Variants in CAPS2 observed in about 807,000 individuals in gnomAD.
CAPS2 encodes the protein calcyphosin-2.
CAPS2 carries 98 observed loss-of-function variants against 86.5 expected under a neutral mutation model. The observed-to-expected ratio is 1.13, with a 90% CI of 0.96 to 1.34. The LOEUF is 1.34. Among genes scored for constraint, CAPS2 ranks in the 40% most tolerant of loss-of-function variants. The pLI is 0.00. For missense variants in CAPS2, 729 were observed against 686.8 expected, an observed-to-expected ratio of 1.06 and a Z score of -0.69; for synonymous variants, 210 against 225.1, an observed-to-expected ratio of 0.93 and a Z score of 0.60.
upstream of CAPS2, chr12:75,334,961 G>A: frequency 1.3e-6 from 2 of 1,496,720 alleles, no homozygotes; most frequent in Non-Finnish European, 1.8e-6. Flanking sequence ...GTATCTGGGT[G>A]ATAAATTTCA....
chr12:75,334,433 G>A (rs933769863), upstream of CAPS2: 26 of 1,169,796 alleles, frequency 2.2e-5, no homozygotes, highest in Non-Finnish European at 2.7e-5. Flanking sequence ...ATCCAGACGC[G>A]CTCTGCAGAT....
chr12:75,347,496 T>C lies in CAPS2; in HGVS notation c.-394-24274A>G, dbSNP rs181927291. ...ATAAATATAAACATTAGAAAAAATA[T>C]GTAACTAATAAATATTTATGTACAT... On this transcript the variant is annotated intron_variant, in intron 1 of 5. Transcript: ENST00000551829. 2.8e-4 allele frequency: 123 copies of C among 439,518 alleles called. No homozygotes were observed. The South Asian group carries it at 3.8e-3, about 14-fold the overall frequency. 27.2% of individuals were successfully genotyped at this position (439,518 alleles called of 1,614,324 possible).
At chr12:75,379,698 C>T (rs2044852662) in intron 1 of CAPS2, among the ~76,000 whole-genome samples, 1 of 151,942 alleles carries the variant, frequency 6.6e-6, no homozygotes, top group Admixed American at 6.6e-5. Flanking sequence ...GTGTGTGTTC[C>T]CAGAAATTGC....
At position 75,368,646 on chromosome 12, in the gene CAPS2, T is replaced by C. The variant is rs375601336; in HGVS notation, c.-395+22192A>G. Among the ~76,000 whole-genome samples the C allele has an allele frequency of 1.6e-4, 25 of 152,198 alleles. No homozygotes were observed. The East Asian group carries it at 2.9e-3, about 18-fold the overall frequency. On this transcript the variant is annotated intron_variant, in intron 1 of 5. Transcript: ENST00000551829. ...ATTTTTAGAATTGTGCTTGGCCATA[T>C]AATTTTCCTCCTGCATTTTTCCTTG...
intron 1 of CAPS2, among the ~76,000 whole-genome samples, chr12:75,335,493 CTT>C (rs1166907104): frequency 6.6e-6 from 1 of 152,092 alleles, no homozygotes; most frequent in Non-Finnish European, 1.5e-5. Flanking sequence ...TGCATTGTAA[CTT>C]TTTCTTGTTT....
intron 7 of CAPS2, among the ~76,000 whole-genome samples, chr12:75,306,684 G>A (rs1163699179): frequency 6.6e-6 from 1 of 152,120 alleles, no homozygotes; most frequent in Admixed American, 6.5e-5. Flanking sequence ...TGGGACTGAT[G>A]ATGTGTATTG....
rs1389977427 is a variant in CAPS2, at chr12:75,326,368, A to T, written c.81+50T>A. 1.0e-5 allele frequency: 7 copies of T among 686,576 alleles called. No homozygotes were observed. The East Asian group carries it at 1.9e-4, about 19-fold the overall frequency. 42.5% of individuals were successfully genotyped at this position (686,576 alleles called of 1,614,324 possible). A position where few individuals can be genotyped will look rare whatever the true frequency, so the allele number is the denominator to read the frequency against. On this transcript the variant is annotated intron_variant, in intron 1 of 16. Transcript: ENST00000393284. ...TAAAACATGAAGAAAAGGTAAAAAA[A>T]TTATTTATAAGTCATCCTGAAAGAA...
intron 7 of CAPS2, among the ~76,000 whole-genome samples, chr12:75,311,954 T>G (rs2039275875): frequency 6.6e-6 from 1 of 152,064 alleles, no homozygotes; most frequent in South Asian, 2.1e-4. Context: ...TTTCAAAGAA[T>G]TTACTGAAAA....
intron 1 of CAPS2, chr12:75,369,921 T>C (rs556178571): frequency 1.6e-6 from 2 of 1,242,290 alleles, no homozygotes; most frequent in Admixed American, 2.8e-5. Flanking sequence ...TTTCTTGTTT[T>C]ATAACATTTT....
intron 6 of CAPS2, among the ~76,000 whole-genome samples, chr12:75,314,505 T>C (rs1158198348): frequency 1.3e-5 from 2 of 152,166 alleles, no homozygotes; most frequent in Non-Finnish European, 2.9e-5. Context: ...CTTATGTTAT[T>C]TAATACATCT....
chr12:75,349,833 G>GA (rs921565696), intron 1 of CAPS2, among the ~76,000 whole-genome samples: 10 of 151,916 alleles, frequency 6.6e-5, no homozygotes, highest in Non-Finnish European at 1.0e-4. Context: ...AAAAAGAAAA[G>GA]AAAAAAATTA....
chr12:75,375,931 G>A (rs1213901352), intron 1 of CAPS2, among the ~76,000 whole-genome samples: 3 of 152,160 alleles, frequency 2.0e-5, no homozygotes, highest in Non-Finnish European at 2.9e-5. Context: ...TCTGGCATAC[G>A]GAGAGGAGCA....
intron 1 of CAPS2, among the ~76,000 whole-genome samples, chr12:75,367,457 C>T (rs911655637): frequency 6.6e-6 from 1 of 151,984 alleles, no homozygotes; most frequent in Non-Finnish European, 1.5e-5. Context: ...CGAATACACA[C>T]ATTAGCCTAG....
chr12:75,380,816 C>T (rs2044922237), intron 1 of CAPS2, among the ~76,000 whole-genome samples: 1 of 152,114 alleles, frequency 6.6e-6, no homozygotes, highest in Non-Finnish European at 1.5e-5. Context: ...TTTTCATAAA[C>T]TACATTCAAA....
chr12:75,306,590 G>A (rs950081799), intron 7 of CAPS2, among the ~76,000 whole-genome samples: 1 of 152,156 alleles, frequency 6.6e-6, no homozygotes, highest in Non-Finnish European at 1.5e-5. Context: ...TTTCGCTTTC[G>A]TGCTACCTTT....
chr12:75,326,589 A>G, upstream of CAPS2: 1 of 742,812 alleles, frequency 1.3e-6, no homozygotes, highest in South Asian at 1.7e-5. Context: ...AATAAGTCAT[A>G]CAAATTACCT....
upstream of CAPS2, chr12:75,334,065 G>T (rs1230514154): frequency 6.6e-6 from 1 of 152,182 alleles, no homozygotes; most frequent in Admixed American, 6.5e-5. Flanking sequence ...ATCAAAAAGG[G>T]AAGATTTTGT....
At chr12:75,331,735 T>C (rs1012327809), upstream of CAPS2, among the ~76,000 whole-genome samples, 12 of 151,916 alleles carry the variant, frequency 7.9e-5, no homozygotes, top group Non-Finnish European at 1.5e-5. Context: ...GGCTAATTTT[T>C]TGTATTTTTA....
intron 1 of CAPS2, chr12:75,369,442 G>C (rs540412229): frequency 1.2e-6 from 1 of 828,046 alleles, no homozygotes; most frequent in Non-Finnish European, 1.5e-6. Context: ...CGTAGTAGAA[G>C]GTCAAAAAAA....
Sources: gnomAD v4.1 joint callset for allele counts (sites outside exome capture counted in the v4.1 genomes callset) on GRCh38, gnomAD v4.1.1 for gene constraint, MANE v1.5 for transcripts, NCBI Gene and HGNC (gene_info 2026-07-23, HGNC 2026-07-21) for gene names.